SETD2: variants seen among roughly 807,000 people sequenced by gnomAD.
SETD2 encodes the protein SET domain containing 2, histone lysine methyltransferase.
In SETD2, 31 loss-of-function variants were observed where a neutral mutation model predicts 242.1. The ratio of observed to expected loss-of-function variants is 0.13; its 90% CI spans 0.10 to 0.17. SETD2 has a LOEUF of 0.17. SETD2 is among the 10% of genes least tolerant of loss of function. The probability of loss-of-function intolerance (pLI) is 1.00; values close to 1 mark genes in which losing one functional copy is unlikely to be tolerated. For missense variants in SETD2, 2,481 were observed against 3,046.3 expected (o/e 0.81, Z 4.37); for synonymous variants, 1,006 against 1,066.5 (o/e 0.94, Z 1.11).
chr3:47,127,589 C>T (rs545929407), intron 1 of SETD2: 10 of 447,382 alleles, frequency 2.2e-5, no homozygotes, highest in East Asian at 7.3e-5. Flanking sequence ...AGGCCAGGTG[C>T]GGTGGCTCAC....
chr3:47,017,534 G>T lies in SETD2; in HGVS notation c.7533+104C>A. 1.1e-6 allele frequency: 1 copy of T among 916,640 alleles called. No individual in the cohort carries two copies. The highest frequency in any genetic ancestry group is 1.7e-6 in the Non-Finnish European group (1 of 586,542). The allele number at this position is 916,640 out of a possible 1,614,324, so 56.8% of individuals were successfully genotyped here. On this transcript the variant is annotated intron_variant, in intron 20 of 20. Coordinates refer to ENST00000409792, the MANE Select transcript of SETD2 (RefSeq NM_014159.7). This position sits in a 1 kb window ranked among gnomAD's most constrained non-coding sequence, Gnocchi z 4.8. ...TCCTGGGTCCCCAGCTCTGACATCT[G>T]ACAAGAAAAAAAAAAATACTTTCTA...
At chr3:47,051,988 A>C (rs1364390210) in intron 15 of SETD2, among the ~76,000 whole-genome samples, 1 of 152,202 alleles carries the variant, frequency 6.6e-6, no homozygotes, top group Non-Finnish European at 1.5e-5. Context: ...CTGGGAGATA[A>C]CAACAGCAGT....
At chr3:47,056,777 G>A in intron 15 of SETD2, 44 bp downstream of exon 15, 1 of 1,517,170 alleles carries the variant, frequency 6.6e-7, no homozygotes, top group Non-Finnish European at 9.1e-7. Flanking sequence ...AACATCCCAT[G>A]AACAGACCAT....
chr3:47,089,235 C>G (rs2041694628), intron 9 of SETD2, among the ~76,000 whole-genome samples: 1 of 152,130 alleles, frequency 6.6e-6, no homozygotes, highest in African/African-American at 2.4e-5. Flanking sequence ...GACTTGAGCT[C>G]AGGAGTTTAA....
chr3:47,149,325 G>C (rs1458819248), intron 1 of SETD2, among the ~76,000 whole-genome samples: 1 of 151,886 alleles, frequency 6.6e-6, no homozygotes, highest in Non-Finnish European at 1.5e-5. Flanking sequence ...TAAAATTAGA[G>C]GCACTAGCTC....
In SETD2 at chr3:47,082,723, G is replaced by T. The variant is rs146830642; in HGVS notation, c.6060+997C>A. Among the ~76,000 whole-genome samples the T allele has an allele frequency of 4.6e-5, 7 of 152,260 alleles. No homozygotes were observed. In the East Asian group the frequency reaches 1.3e-3, roughly 29 times the overall value. On this transcript the variant is annotated intron_variant, in intron 12 of 20. Coordinates refer to ENST00000409792, the MANE Select transcript of SETD2 (RefSeq NM_014159.7). ...GAAACCACAACATACTTAAAGAAGG[G>T]TCTCAACACAGCAAATGAGGAAGCA...
chr3:47,133,827 GATAAAAATAAGCTAC>G (rs2043534834), intron 1 of SETD2, among the ~76,000 whole-genome samples: 1 of 152,116 alleles, frequency 6.6e-6, no homozygotes, highest in Non-Finnish European at 1.5e-5. Context: ...GGTAAGCACT[GATAAAAATAAGCTAC>G]ATAAAAACTA....
At chr3:47,158,826 T>A in intron 1 of SETD2, among the ~76,000 whole-genome samples, 1 of 152,222 alleles carries the variant, frequency 6.6e-6, no homozygotes, top group Non-Finnish European at 1.5e-5. Flanking sequence ...AAATCACAAT[T>A]AATACTACTG....
chr3:47,039,711 C>CAAAAAAAAA (rs554753105), intron 17 of SETD2, among the ~76,000 whole-genome samples: 1 of 101,604 alleles, frequency 9.8e-6, no homozygotes, highest in Non-Finnish European at 1.9e-5. Flanking sequence ...ACCGAAAATA[C>CAAAAAAAAA]AAAAAAAAAA....
chr3:47,020,392 G>T (rs1317226516), intron 18 of SETD2, among the ~76,000 whole-genome samples: 3 of 152,128 alleles, frequency 2.0e-5, no homozygotes, highest in African/African-American at 7.2e-5. Flanking sequence ...CGATATTGAC[G>T]GGGAGGTGAT....
chr3:47,122,564 G>A lies in SETD2; in HGVS notation c.2072C>T (p.Thr691Ile), dbSNP rs371953347. 2.8e-5 allele frequency: 45 copies of A among 1,614,118 alleles called. No homozygotes were observed. In the African/African-American group the frequency reaches 4.1e-4, roughly 15 times the overall value. The change falls in exon 3 of 21, where the codon ACT becomes ATT. Residue 691 changes from threonine (T) to isoleucine (I), a missense_variant. Transcript: ENST00000409792. ...ATCAGAAGTCATTAAAACAGCATCA[G>A]TTTTAGAAGTGCAAAATGTTGCCAA... The part of the protein sequence containing the change: ...SDLATFCTSK[T>I]DAVLMTSDDS...
At chr3:47,098,253 TC>T in intron 8 of SETD2, 172 bp from the exon 9 acceptor site, 1 of 460,054 alleles carries the variant, frequency 2.2e-6, no homozygotes, top group Non-Finnish European at 3.6e-6. Flanking sequence ...TGAAAACTGC[TC>T]TTTAAAAATA....
intron 1 of SETD2, among the ~76,000 whole-genome samples, chr3:47,153,132 C>A (rs908592589): frequency 6.1e-5 from 9 of 146,464 alleles, no homozygotes; most frequent in African/African-American, 2.2e-4. Context: ...CCAGCCTGGG[C>A]AGTGAGGTGA....
chr3:47,066,516 T>C (rs538527028), intron 13 of SETD2, among the ~76,000 whole-genome samples: 22 of 152,236 alleles, frequency 1.4e-4, no homozygotes, highest in Admixed American at 9.2e-4. Flanking sequence ...TTAGCTAATA[T>C]TTTTGTATTT....
intron 1 of SETD2, among the ~76,000 whole-genome samples, chr3:47,145,913 G>A (rs1249821637): frequency 2.0e-5 from 3 of 150,084 alleles, no homozygotes; most frequent in African/African-American, 7.3e-5. Flanking sequence ...ATACTCAAGA[G>A]GCTGAGGCAG....
intron 1 of SETD2, among the ~76,000 whole-genome samples, chr3:47,160,308 T>C (rs908834865): frequency 2.0e-5 from 3 of 152,086 alleles, no homozygotes; most frequent in Admixed American, 6.6e-5. Flanking sequence ...TTAATTTTAT[T>C]ATTTTTTTTT....
At chr3:47,044,819 T>C (rs1327956792) in intron 16 of SETD2, among the ~76,000 whole-genome samples, 1 of 152,194 alleles carries the variant, frequency 6.6e-6, no homozygotes, top group Non-Finnish European at 1.5e-5. Flanking sequence ...ACTAGTACAG[T>C]ATCATATTCT....
intron 9 of SETD2, among the ~76,000 whole-genome samples, chr3:47,093,859 A>T (rs2041903704): frequency 6.6e-6 from 1 of 152,246 alleles, no homozygotes. Context: ...TGAGAGTGTA[A>T]ATAACATCTA....
At position 47,056,094 on chromosome 3, in the gene SETD2, T is replaced by TATTTA. The variant is rs1553683658; in HGVS notation, c.6963+726_6963+727insTAAAT. Reference sequence around the variant, plus strand: ...AAAAAAAAAGAAAAGAAAACATGATTTTTATTTATTTATTTATTTATTTAT... The same window carrying TATTTA: ...AAAAAAAAAGAAAAGAAAACATGATTATTTATTTATTTATTTATTTATTTATTTAT... On this transcript the variant is annotated intron_variant, in intron 15 of 20. Transcript: ENST00000409792. 5.2e-5 allele frequency among the ~76,000 whole-genome samples: 6 copies of TATTTA among 116,422 alleles called. No homozygotes were observed. In the East Asian group the frequency reaches 8.5e-4, roughly 16 times the overall value. 76.4% of individuals were successfully genotyped at this position (116,422 alleles called of 152,430 possible).
Sources: gnomAD v4.1 joint callset for allele counts (sites outside exome capture counted in the v4.1 genomes callset) on GRCh38, gnomAD v4.1.1 for gene constraint, Gnocchi (gnomAD v3.1) non-coding constraint, MANE v1.5 for transcripts, NCBI Gene and HGNC (gene_info 2026-07-23, HGNC 2026-07-21) for gene names.